Variants in LGR4 observed in about 807,000 individuals in gnomAD.
LGR4 encodes leucine rich repeat containing G protein-coupled receptor 4.
Under a neutral mutation model 84.8 loss-of-function variants are expected in LGR4, and 44 were observed. That is an observed-to-expected ratio of 0.52 (90% CI 0.41 to 0.67). The LOEUF (loss-of-function observed/expected upper bound fraction) is 0.67. Among genes scored for constraint, LGR4 ranks in the 30% least tolerant of loss-of-function variants. The probability of loss-of-function intolerance (pLI) is 0.00; values close to 1 mark genes in which losing one functional copy is unlikely to be tolerated. For missense variants in LGR4, 1,032 were observed against 1,131.4 expected (o/e 0.91, Z 1.26); for synonymous variants, 429 against 434.3 (o/e 0.99, Z 0.15).
At chr11:27,391,037 C>A in intron 4 of LGR4, 57 bp downstream of exon 4, 1 of 956,794 alleles carries the variant, frequency 1.0e-6, no homozygotes. Context: ...TAGTTATTTA[C>A]ATCTTTAACA....
At chr11:27,409,715 C>A (rs1317265223) in intron 2 of LGR4, among the ~76,000 whole-genome samples, 1 of 152,102 alleles carries the variant, frequency 6.6e-6, no homozygotes, top group Non-Finnish European at 1.5e-5. Context: ...CAACTTTATG[C>A]GTCCTAAAAC....
At chr11:27,463,067 CAA>C (rs35718980) in intron 1 of LGR4, among the ~76,000 whole-genome samples, 115 of 51,028 alleles carry the variant, frequency 2.3e-3, no homozygotes, top group Admixed American at 6.8e-3. Flanking sequence ...ACCCTGTCTC[CAA>C]AAAAAAAAAA....
At chr11:27,372,237 C>A in intron 16 of LGR4, 46 bp downstream of exon 16, 1 of 1,057,372 alleles carries the variant, frequency 9.5e-7, no homozygotes, top group South Asian at 1.3e-5. Context: ...GAACTTTAAT[C>A]AATGCCTTAA....
At chr11:27,447,480 A>AG (rs963605834) in intron 1 of LGR4, among the ~76,000 whole-genome samples, 3 of 152,186 alleles carry the variant, frequency 2.0e-5, no homozygotes, top group African/African-American at 7.2e-5. Flanking sequence ...ATGGTCTGAA[A>AG]GGGGGAAGAA....
At chr11:27,378,852 C>A (rs1863037670) in intron 10 of LGR4, 84 bp from the exon 11 acceptor site, 10 of 859,338 alleles carry the variant, frequency 1.2e-5, no homozygotes, top group Non-Finnish European at 1.9e-5. Flanking sequence ...TAAGTGCTCA[C>A]ATATTTACAT....
intron 1 of LGR4, among the ~76,000 whole-genome samples, chr11:27,457,192 C>T (rs993030883): frequency 1.3e-5 from 2 of 152,176 alleles, no homozygotes; most frequent in African/African-American, 4.8e-5. Flanking sequence ...AAGATGGTTA[C>T]TGTGGAAATT....
At chr11:27,460,474 G>A (rs986041725) in intron 1 of LGR4, among the ~76,000 whole-genome samples, 6 of 152,148 alleles carry the variant, frequency 3.9e-5, no homozygotes, top group African/African-American at 1.4e-4. Context: ...CTGTGCTCAC[G>A]CATACACAAA....
rs774201802 is a variant in LGR4, at chr11:27,385,200, T to A, written c.617+53A>T. ...TAATAATCTGTCAGAAGAAATCTGT[T>A]TTTGTACCCCAATTAACACAAATAT... On this transcript the variant is annotated intron_variant, in intron 5 of 17. Coordinates refer to ENST00000379214, the MANE Select transcript of LGR4 (RefSeq NM_018490.5). The A allele has an allele frequency of 2.3e-6, 3 of 1,278,998 alleles. No individual in the cohort carries two copies. The African/African-American group carries it at 4.5e-5, about 19-fold the overall frequency. The allele number at this position is 1,278,998 out of a possible 1,614,324, so 79.2% of individuals were successfully genotyped here.
At chr11:27,449,149 T>C (rs959674354) in intron 1 of LGR4, among the ~76,000 whole-genome samples, 1 of 152,204 alleles carries the variant, frequency 6.6e-6, no homozygotes, top group African/African-American at 2.4e-5. Context: ...CTGTCCAGTA[T>C]TTATCAGCTG....
chr11:27,369,190 A>G, intron 17 of LGR4, 47 bp from the exon 18 acceptor site: 1 of 1,428,194 alleles, frequency 7.0e-7, no homozygotes, highest in Non-Finnish European at 9.4e-7. Flanking sequence ...ATAACTTAGA[A>G]AACAATTTAG....
intron 1 of LGR4, among the ~76,000 whole-genome samples, chr11:27,436,705 T>C (rs940213938): frequency 1.3e-5 from 2 of 152,220 alleles, no homozygotes. Context: ...TTTGTCATTA[T>C]AGTTTACAAC....
In LGR4 at chr11:27,472,561, C is replaced by A. The variant is rs570052649; in HGVS notation, c.-259G>T. 531 of 379,920 alleles carry A rather than the reference C, an allele frequency of 1.4e-3. 3 individuals carry two copies. The highest frequency in any genetic ancestry group is 0.01 in the African/African-American group (494 of 47,836). The allele number at this position is 379,920 out of a possible 1,614,324, so 23.5% of individuals were successfully genotyped here. On this transcript the variant is annotated 5_prime_UTR_variant, in exon 1 of 18. Transcript: ENST00000379214. ...CTCCGGCGGCTCACGCCAGCCGGGC[C>A]GGCCCGGCGCAGCGGCGGGGGCCGC...
chr11:27,372,407 A>T lies in LGR4; in HGVS notation c.1380-9T>A, dbSNP rs1279774963. The T allele has an allele frequency of 6.6e-7, 1 of 1,519,102 alleles. No homozygotes were observed. Among genetic ancestry groups the T allele is most frequent in the Non-Finnish European group, 9.1e-7 (1 of 1,094,124 alleles). 94.1% of individuals were successfully genotyped at this position (1,519,102 alleles called of 1,614,324 possible). ...ATGGTACTGATAAAGACCTGGAAAA[A>T]AAAGTTGTAAAATCTACACTGAACA... On this transcript the variant is annotated splice_polypyrimidine_tract_variant and intron_variant, in intron 15 of 17. Transcript: ENST00000379214.
At chr11:27,448,449 T>C (rs1451580776) in intron 1 of LGR4, among the ~76,000 whole-genome samples, 1 of 152,012 alleles carries the variant, frequency 6.6e-6, no homozygotes, top group Non-Finnish European at 1.5e-5. Flanking sequence ...TGTGCTTCCA[T>C]GCCTGGCTAA....
At chr11:27,430,037 T>C (rs1864089826) in intron 1 of LGR4, among the ~76,000 whole-genome samples, 1 of 151,632 alleles carries the variant, frequency 6.6e-6, no homozygotes, top group African/African-American at 2.4e-5. Flanking sequence ...CTGTGAGTAC[T>C]TGGCATCTAT....
intron 4 of LGR4, among the ~76,000 whole-genome samples, chr11:27,387,925 G>A (rs529991411): frequency 3.3e-5 from 5 of 152,210 alleles, no homozygotes; most frequent in East Asian, 1.9e-4. Flanking sequence ...GTATACAACC[G>A]TTAAACTCTT....
At chr11:27,405,909 C>T (rs183148058) in intron 2 of LGR4, among the ~76,000 whole-genome samples, 92 of 152,256 alleles carry the variant, frequency 6.0e-4, no homozygotes, top group African/African-American at 2.0e-3. Context: ...AAGGTCATAT[C>T]TGAACAAATC....
At chr11:27,449,663 TAAATA>T (rs767485204) in intron 1 of LGR4, among the ~76,000 whole-genome samples, 2 of 151,788 alleles carry the variant, frequency 1.3e-5, no homozygotes, top group African/African-American at 2.4e-5. Context: ...AAATAAAAAG[TAAATA>T]AAATAAAAAT....
At position 27,472,557 on chromosome 11, in the gene LGR4, G is replaced by C. The variant is rs1864901297; in HGVS notation, c.-255C>G. 2.6e-6 allele frequency: 1 copy of C among 380,988 alleles called. No individual in the cohort carries two copies. Among genetic ancestry groups the C allele is most frequent in the East Asian group, 3.8e-5 (1 of 26,412 alleles). The allele number at this position is 380,988 out of a possible 1,614,324, so 23.6% of individuals were successfully genotyped here. ...GCTCCTCCGGCGGCTCACGCCAGCCGGGCCGGCCCGGCGCAGCGGCGGGGG... is the reference window on the plus strand; with the variant it reads ...GCTCCTCCGGCGGCTCACGCCAGCCCGGCCGGCCCGGCGCAGCGGCGGGGG... On this transcript the variant is annotated 5_prime_UTR_variant, in exon 1 of 18. Transcript: ENST00000379214.
Sources: gnomAD v4.1 joint callset for allele counts (sites outside exome capture counted in the v4.1 genomes callset) on GRCh38, gnomAD v4.1.1 for gene constraint, MANE v1.5 for transcripts, NCBI Gene and HGNC (gene_info 2026-07-23, HGNC 2026-07-21) for gene names.